Variants in NAALADL2 observed in about 807,000 individuals in gnomAD.
NAALADL2 encodes the protein N-acetylated alpha-linked acidic dipeptidase like 2.
NAALADL2 carries 76 observed loss-of-function variants against 87.2 expected under a neutral mutation model. The ratio of observed to expected loss-of-function variants is 0.87; its 90% CI spans 0.72 to 1.05. NAALADL2 has a LOEUF of 1.05. NAALADL2 is among the 50% of genes least tolerant of loss of function. The pLI is 0.00. For synonymous variants in NAALADL2, 354 were observed against 331.0 expected (o/e 1.07, Z -0.75); for missense variants, 1,089 against 945.8 (o/e 1.15, Z -1.99).
chr3:174,453,466 A>C (rs372342444), intron 1 of NAALADL2, among the ~76,000 whole-genome samples: 4 of 152,152 alleles, frequency 2.6e-5, no homozygotes, highest in Non-Finnish European at 1.5e-5. Context: ...GTACTTAATC[A>C]TCAGATTCTC....
intron 9 of NAALADL2, among the ~76,000 whole-genome samples, chr3:175,474,612 A>G (rs866769576): frequency 2.6e-5 from 4 of 152,290 alleles, no homozygotes; most frequent in Middle Eastern, 3.4e-3. Context: ...ACAAATGTAT[A>G]TAACCATGTA....
At chr3:174,459,202 ATT>A (rs1442664401) in intron 1 of NAALADL2, 1 of 151,766 alleles carries the variant, frequency 6.6e-6, no homozygotes, top group Non-Finnish European at 1.5e-5. Flanking sequence ...ATGTCTTTTC[ATT>A]TTTTTTGTTT....
At chr3:175,708,176 A>C (rs1481773098) in intron 11 of NAALADL2, among the ~76,000 whole-genome samples, 3 of 152,150 alleles carry the variant, frequency 2.0e-5, no homozygotes, top group Admixed American at 6.6e-5. Context: ...AACGCTAGAG[A>C]AGTAAGAAGC....
intron 11 of NAALADL2, among the ~76,000 whole-genome samples, chr3:175,708,866 G>C (rs574589193): frequency 6.6e-6 from 1 of 151,644 alleles, no homozygotes; most frequent in Non-Finnish European, 1.5e-5. Context: ...TATGACTGCT[G>C]TTGCAGAAGA....
At chr3:175,341,844 G>T (rs1166488538) in intron 5 of NAALADL2, among the ~76,000 whole-genome samples, 1 of 151,992 alleles carries the variant, frequency 6.6e-6, no homozygotes, top group Non-Finnish European at 1.5e-5. Context: ...ATTAATTTTT[G>T]TATATGGTAT....
chr3:175,098,237 T>C (rs879413649), intron 2 of NAALADL2, among the ~76,000 whole-genome samples: 4 of 152,138 alleles, frequency 2.6e-5, no homozygotes, highest in Non-Finnish European at 5.9e-5. Flanking sequence ...CTTTTCATGA[T>C]ACTTCCCAAT....
chr3:175,765,415 C>T (rs1379498481), intron 13 of NAALADL2, among the ~76,000 whole-genome samples: 1 of 151,946 alleles, frequency 6.6e-6, no homozygotes, highest in Non-Finnish European at 1.5e-5. Context: ...ATTTTTTTCA[C>T]TCATTTTGTC....
At position 174,843,287 on chromosome 3, in the gene NAALADL2, T is replaced by C. The variant is rs549562632; in HGVS notation, c.-9+105541T>C. 1.4e-4 allele frequency among the ~76,000 whole-genome samples: 21 copies of C among 152,242 alleles called. No individual in the cohort carries two copies. In the South Asian group the frequency reaches 3.7e-3, roughly 27 times the overall value. ...CCCCAGTCTCTGTTAACCAGTGTTC[T>C]ACTCTCTGCTTCCATAATAGCAACT... On this transcript the variant is annotated intron_variant, in intron 3 of 3. Transcript: ENST00000434257.
chr3:175,447,135 G>A (rs547674980), intron 5 of NAALADL2, 94 bp from the exon 6 acceptor site: 2 of 739,296 alleles, frequency 2.7e-6, no homozygotes, highest in Non-Finnish European at 4.2e-6. Context: ...AAACTTACCA[G>A]TCATAATTTA....
At chr3:174,823,725 T>G (rs1202102690) in intron 3 of NAALADL2, among the ~76,000 whole-genome samples, 1 of 152,192 alleles carries the variant, frequency 6.6e-6, no homozygotes, top group Non-Finnish European at 1.5e-5. Flanking sequence ...ATCTGCTTTT[T>G]GGGTTTTATT....
chr3:174,640,488 G>A (rs569590682), intron 2 of NAALADL2, among the ~76,000 whole-genome samples: 2 of 152,232 alleles, frequency 1.3e-5, no homozygotes, highest in East Asian at 3.9e-4. Context: ...ATGGGAAAGA[G>A]TCCACCTCCA....
At chr3:174,723,628 C>T (rs879693776) in intron 2 of NAALADL2, among the ~76,000 whole-genome samples, 6 of 151,632 alleles carry the variant, frequency 4.0e-5, no homozygotes, top group East Asian at 2.0e-4. Context: ...TGGTGGCGGG[C>T]GCCTGTAGTC....
At chr3:175,105,156 C>G (rs996608301) in intron 2 of NAALADL2, among the ~76,000 whole-genome samples, 1 of 152,156 alleles carries the variant, frequency 6.6e-6, no homozygotes, top group Admixed American at 6.6e-5. Flanking sequence ...ATGGAAATCT[C>G]ATTGATATCC....
chr3:175,333,030 G>T (rs1227813801), intron 5 of NAALADL2, among the ~76,000 whole-genome samples: 2 of 152,070 alleles, frequency 1.3e-5, no homozygotes, highest in African/African-American at 2.4e-5. Flanking sequence ...CAATTCTTGG[G>T]TTTTCAGGCT....
intron 3 of NAALADL2, among the ~76,000 whole-genome samples, chr3:174,749,322 A>C (rs773914385): frequency 6.6e-5 from 10 of 152,174 alleles, no homozygotes; most frequent in Non-Finnish European, 1.2e-4. Flanking sequence ...CAGAATGTTA[A>C]ACTAGCATTA....
intron 12 of NAALADL2, among the ~76,000 whole-genome samples, chr3:175,750,692 A>G (rs949815145): frequency 6.6e-6 from 1 of 152,176 alleles, no homozygotes; most frequent in Non-Finnish European, 1.5e-5. Flanking sequence ...CAGTTTCATG[A>G]TCTATCTCTC....
chr3:174,972,092 G>A (rs942182365), intron 1 of NAALADL2, among the ~76,000 whole-genome samples: 2 of 151,988 alleles, frequency 1.3e-5, no homozygotes, highest in Non-Finnish European at 2.9e-5. Flanking sequence ...CACAGTCACC[G>A]CCCCTCCATA....
chr3:175,426,838 A>G (rs534741700), intron 5 of NAALADL2, among the ~76,000 whole-genome samples: 4 of 152,302 alleles, frequency 2.6e-5, no homozygotes, highest in African/African-American at 9.6e-5. Context: ...AACGGCAGCT[A>G]TGCAGCTCGT....
At chr3:175,283,633 G>A (rs1754601408) in intron 4 of NAALADL2, among the ~76,000 whole-genome samples, 1 of 152,064 alleles carries the variant, frequency 6.6e-6, no homozygotes, top group Non-Finnish European at 1.5e-5. Context: ...TTATGGTAAA[G>A]CCTCACATTC....
Sources: allele counts gnomAD v4.1 joint callset (sites outside exome capture counted in the v4.1 genomes callset), GRCh38; gene constraint gnomAD v4.1.1; transcripts MANE v1.5; gene names NCBI Gene and HGNC (gene_info 2026-07-23, HGNC 2026-07-21).